Variants in OR56A3 observed in about 807,000 individuals in gnomAD.
The protein encoded by OR56A3 is olfactory receptor family 56 subfamily A member 3.
In OR56A3, 23 loss-of-function variants were observed where a neutral mutation model predicts 17.5. That is an observed-to-expected ratio of 1.32 (90% CI 0.95 to 1.87). OR56A3 has a LOEUF of 1.87. Among genes scored for constraint, OR56A3 ranks in the 40% most tolerant of loss-of-function variants. The pLI, the probability that OR56A3 is intolerant of heterozygous loss-of-function variation, is 0.00. For synonymous variants in OR56A3, 175 were observed against 150.6 expected (o/e 1.16, Z -1.19); for missense variants, 366 against 380.1 (o/e 0.96, Z 0.31).
chr11:5,974,652 C>T, the OR56A3 span, among the ~76,000 whole-genome samples: 3 of 152,170 alleles, frequency 2.0e-5, no homozygotes, highest in East Asian at 1.9e-4. Flanking sequence ...GTGTGTAGAA[C>T]GACAGGCAGG....
At chr11:5,991,750 G>A in the OR56A3 span, among the ~76,000 whole-genome samples, 1 of 152,166 alleles carries the variant, frequency 6.6e-6, no homozygotes, top group Non-Finnish European at 1.5e-5. Flanking sequence ...ACTTGTCACT[G>A]TTTCTGTCAT....
the OR56A3 span, among the ~76,000 whole-genome samples, chr11:5,972,417 G>T: frequency 6.6e-6 from 1 of 152,016 alleles, no homozygotes; most frequent in Non-Finnish European, 1.5e-5. Flanking sequence ...GGTGACCCAG[G>T]GTCTCCTGGC....
At chr11:6,020,069 A>C in the OR56A3 span, 1 of 152,098 alleles carries the variant, frequency 6.6e-6, no homozygotes, top group Non-Finnish European at 1.5e-5. Flanking sequence ...ATTTTTTCCA[A>C]GAGTATTGAC....
downstream of OR56A3, among the ~76,000 whole-genome samples, chr11:5,952,166 C>A (rs1200023894): frequency 6.6e-6 from 1 of 152,040 alleles, no homozygotes; most frequent in African/African-American, 2.4e-5. Context: ...CTAGAATAAA[C>A]AGAAACAGTA....
chr11:5,965,438 C>T, the OR56A3 span, among the ~76,000 whole-genome samples: 5 of 151,988 alleles, frequency 3.3e-5, no homozygotes, highest in Non-Finnish European at 7.4e-5. Flanking sequence ...CAGTGTTATC[C>T]CAATAAGCAG....
At chr11:6,020,293 T>C in the OR56A3 span, 1 of 152,170 alleles carries the variant, frequency 6.6e-6, no homozygotes, top group South Asian at 2.1e-4. Flanking sequence ...CTATTCAGGC[T>C]CTTTTTTGGT....
the OR56A3 span, chr11:6,006,346 C>A: frequency 6.6e-6 from 1 of 152,024 alleles, no homozygotes; most frequent in Non-Finnish European, 1.5e-5. Flanking sequence ...AATTGTTGAC[C>A]ATCTGGGGCA....
downstream of OR56A3, among the ~76,000 whole-genome samples, chr11:5,953,960 G>T (rs1377649573): frequency 1.3e-5 from 2 of 152,002 alleles, no homozygotes; most frequent in African/African-American, 2.4e-5. Context: ...TATCAAAGTT[G>T]CAGGGGAAAA....
the OR56A3 span, among the ~76,000 whole-genome samples, chr11:5,977,470 T>G: frequency 1.3e-5 from 2 of 152,226 alleles, no homozygotes; most frequent in African/African-American, 4.8e-5. Flanking sequence ...TTAGTGATGT[T>G]GAGTATTTTT....
chr11:6,013,112 G>A, the OR56A3 span, among the ~76,000 whole-genome samples: 1 of 152,242 alleles, frequency 6.6e-6, no homozygotes, highest in Non-Finnish European at 1.5e-5. Flanking sequence ...AAGAGCACAG[G>A]GAGGTCCAGG....
the OR56A3 span, chr11:5,968,140 T>C: frequency 6.2e-7 from 1 of 1,614,032 alleles, no homozygotes; most frequent in Non-Finnish European, 8.5e-7. Context: ...GCCATGATCA[T>C]GAATGTGCAG....
chr11:5,947,775 C>A lies in OR56A3; in HGVS notation c.429C>A (p.His143Gln), dbSNP rs1017025315. 1.2e-6 allele frequency: 2 copies of A among 1,614,212 alleles called. No homozygotes were observed. The highest frequency in any genetic ancestry group is 3.3e-5 in the Admixed American group (2 of 60,030). Reference sequence around the variant, plus strand: ...GATATCCATCAATCATCACTGATCACTTTGTAGTCAAGGCTGCCATGTTTA... The same window carrying A: ...GATATCCATCAATCATCACTGATCAATTTGTAGTCAAGGCTGCCATGTTTA... ...PLRYPSIITD[H>Q]FVVKAAMFIL... Residue 143 changes from histidine (H) to glutamine (Q), a missense_variant, in exon 3 of 3, where the codon CAC (histidine) becomes CAA (glutamine). Physicochemically the swap from His to Gln is conservative, Grantham distance 24. Transcript: ENST00000641160.
At chr11:6,013,754 C>T in the OR56A3 span, among the ~76,000 whole-genome samples, 1 of 152,152 alleles carries the variant, frequency 6.6e-6, no homozygotes, top group Non-Finnish European at 1.5e-5. Flanking sequence ...ATAGCTTGTG[C>T]CCATGTGCAC....
the OR56A3 span, among the ~76,000 whole-genome samples, chr11:6,003,926 C>T: frequency 5.3e-5 from 8 of 152,208 alleles, no homozygotes; most frequent in African/African-American, 1.4e-4. Context: ...ATGTAATCTA[C>T]ATTCTGTAAA....
At chr11:6,010,423 G>A in the OR56A3 span, among the ~76,000 whole-genome samples, 85 of 152,208 alleles carry the variant, frequency 5.6e-4, no homozygotes, top group Admixed American at 1.8e-3. Context: ...AGGTGATTAG[G>A]GCATGAGAGA....
rs1847859959 is a variant in OR56A3 at position 5,944,955 on chromosome 11, C to T, written c.-164C>T. 6.6e-6 allele frequency: 1 copy of T among 152,174 alleles called. No individual in the cohort carries two copies. Among genetic ancestry groups the T allele is most frequent in the South Asian group, 2.1e-4 (1 of 4,826 alleles). 9.4% of individuals were successfully genotyped at this position (152,174 alleles called of 1,614,324 possible). A position where few individuals can be genotyped will look rare whatever the true frequency, so the allele number is the denominator to read the frequency against. ...GTCCTCCCTCCACTGACAGCAGCCA[C>T]AGTTACTAACAGGGTCTTTCTGATG... On this transcript the variant is annotated 5_prime_UTR_variant, in exon 2 of 3. Coordinates refer to ENST00000641160, the MANE Select transcript of OR56A3 (RefSeq NM_001003443.3).
At chr11:6,003,932 G>T in the OR56A3 span, among the ~76,000 whole-genome samples, 1 of 152,182 alleles carries the variant, frequency 6.6e-6, no homozygotes, top group Non-Finnish European at 1.5e-5. Context: ...TCTACATTCT[G>T]TAAACTCATC....
chr11:5,948,495 C>T lies in OR56A3; in HGVS notation c.*201C>T. 3.7e-6 allele frequency: 2 copies of T among 541,248 alleles called. No individual in the cohort carries two copies. 33.5% of individuals were successfully genotyped at this position (541,248 alleles called of 1,614,324 possible). ...TTCTCAGAAATATTCTTGGCCCTCT[C>T]TCGTTTTATTCCATGCTTATAATCA... On this transcript the variant is annotated 3_prime_UTR_variant, in exon 3 of 3. Transcript: ENST00000641160.
the OR56A3 span, among the ~76,000 whole-genome samples, chr11:5,991,021 G>T: frequency 3.3e-5 from 5 of 152,126 alleles, no homozygotes; most frequent in Non-Finnish European, 7.3e-5. Context: ...ATGAAATTCT[G>T]CCCTAGCTTG....
Sources: gnomAD v4.1 joint callset for allele counts (sites outside exome capture counted in the v4.1 genomes callset) on GRCh38, gnomAD v4.1.1 for gene constraint, MANE v1.5 for transcripts, NCBI Gene and HGNC (gene_info 2026-07-23, HGNC 2026-07-21) for gene names.